Variants in RNASEH2B observed in about 807,000 individuals in gnomAD.
RNASEH2B encodes Aicardi-Goutieres syndrome 2 protein.
A neutral mutation model predicts 45.0 loss-of-function variants in RNASEH2B; 36 were observed. The observed-to-expected ratio is 0.80, with a 90% confidence interval of 0.61 to 1.06. The LOEUF (loss-of-function observed/expected upper bound fraction) is 1.06, where lower values mean the gene tolerates loss of function less well. Ranked by LOEUF, RNASEH2B falls within the 50% of genes least tolerant of loss-of-function variation. RNASEH2B has a pLI of 0.00. For synonymous variants in RNASEH2B, 119 were observed against 125.7 expected (o/e 0.95, Z 0.35); for missense variants, 361 against 360.3 (o/e 1.00, Z -0.02).
At chr13:50,918,301 C>T (rs999165960) in intron 1 of RNASEH2B, among the ~76,000 whole-genome samples, 3 of 152,112 alleles carry the variant, frequency 2.0e-5, no homozygotes, top group Non-Finnish European at 4.4e-5. Flanking sequence ...CCATGCCCAG[C>T]TAATTTTTTG....
chr13:50,913,781 A>G (rs1052841851), intron 1 of RNASEH2B, among the ~76,000 whole-genome samples: 4 of 152,222 alleles, frequency 2.6e-5, no homozygotes, highest in African/African-American at 9.6e-5. Context: ...TTTGGGAGAT[A>G]AGAATCCCTG....
chr13:50,960,928 A>G (rs1225458649), downstream of RNASEH2B, among the ~76,000 whole-genome samples: 2 of 152,118 alleles, frequency 1.3e-5, no homozygotes, highest in Non-Finnish European at 2.9e-5. Context: ...GTTTTCTTTA[A>G]TCTGCAAGAG....
At chr13:50,953,485 A>T in intron 9 of RNASEH2B, 1 of 211,854 alleles carries the variant, frequency 4.7e-6, no homozygotes, top group Non-Finnish European at 9.6e-6. Flanking sequence ...AGTGGACATT[A>T]AACTGGCCCA....
At chr13:50,961,084 C>T (rs1952107354), downstream of RNASEH2B, among the ~76,000 whole-genome samples, 1 of 152,150 alleles carries the variant, frequency 6.6e-6, no homozygotes, top group Non-Finnish European at 1.5e-5. Context: ...TTTCTCAGTA[C>T]ACCATGGCAG....
chr13:50,948,347 T>C, intron 8 of RNASEH2B: 1 of 334,656 alleles, frequency 3.0e-6, no homozygotes, highest in Non-Finnish European at 5.4e-6. Flanking sequence ...TCCTCAATTA[T>C]ACTTAACTAA....
At chr13:50,957,274 G>A (rs1232598034), downstream of RNASEH2B, among the ~76,000 whole-genome samples, 2 of 151,992 alleles carry the variant, frequency 1.3e-5, no homozygotes, top group Non-Finnish European at 2.9e-5. Flanking sequence ...GAAGTCCCCA[G>A]TGTCTATTAT....
intron 3 of RNASEH2B, 30 bp downstream of exon 3, chr13:50,929,612 A>C: frequency 3.8e-6 from 5 of 1,330,690 alleles, no homozygotes; most frequent in Non-Finnish European, 5.4e-6. Context: ...ATTTCCAATA[A>C]CTAAACACAT....
rs1951612016 is a variant in RNASEH2B, at chr13:50,927,355, G to A, written c.65-52G>A. 5.6e-6 allele frequency: 6 copies of A among 1,080,498 alleles called. No homozygotes were observed. The South Asian group carries it at 6.2e-5, about 11-fold the overall frequency. 66.9% of individuals were successfully genotyped at this position (1,080,498 alleles called of 1,614,324 possible). ...AGGAAAACAGGGTAAAGTAAGGTGA[G>A]CAACAAAACAGCTGTGTGTTTTAAT... On this transcript the variant is annotated intron_variant, in intron 1 of 10. Coordinates refer to ENST00000336617, the MANE Select transcript of RNASEH2B (RefSeq NM_024570.4).
intron 9 of RNASEH2B, chr13:50,969,828 C>A: frequency 8.5e-7 from 1 of 1,177,162 alleles, no homozygotes; most frequent in African/African-American, 1.5e-5. Context: ...GGACTAAACC[C>A]GCCAGCCCTG....
intron 5 of RNASEH2B, chr13:50,941,041 A>G (rs1394918326): frequency 6.6e-6 from 1 of 152,242 alleles, no homozygotes; most frequent in East Asian, 1.9e-4. Flanking sequence ...ATCATGGTTT[A>G]TTAATTGATT....
rs181457346 is a variant in RNASEH2B, at chr13:50,917,195, G to A, written c.64+7055G>A. ...GGTGGGAGAGGAGGAGGACAAAGTG[G>A]GCACTTGAGGCTAAAGAGTGCTTTT... On this transcript the variant is annotated intron_variant, in intron 1 of 10. Transcript: ENST00000336617. 1.2e-4 allele frequency among the ~76,000 whole-genome samples: 19 copies of A among 152,270 alleles called. No individual in the cohort carries two copies. In the East Asian group the frequency reaches 2.1e-3, roughly 17 times the overall value.
intron 1 of RNASEH2B, among the ~76,000 whole-genome samples, chr13:50,915,706 T>C (rs1879703673): frequency 6.6e-6 from 1 of 152,248 alleles, no homozygotes; most frequent in Admixed American, 6.5e-5. Flanking sequence ...CAGGCCTTTA[T>C]TCAGAGCTAC....
intron 5 of RNASEH2B, chr13:50,941,495 G>T (rs1238661403): frequency 6.6e-6 from 1 of 152,250 alleles, no homozygotes; most frequent in Non-Finnish European, 1.5e-5. Flanking sequence ...GAGAAAATTT[G>T]GAGGTAGAGG....
chr13:50,954,008 G>T, intron 10 of RNASEH2B, 23 bp downstream of exon 10: 1 of 1,460,186 alleles, frequency 6.8e-7, no homozygotes, highest in South Asian at 1.1e-5. Flanking sequence ...AGGTGTAGTG[G>T]TGTTTCGTTC....
At chr13:50,912,315 C>G (rs1462139998) in intron 1 of RNASEH2B, 1 of 152,306 alleles carries the variant, frequency 6.6e-6, no homozygotes, top group African/African-American at 2.4e-5. Flanking sequence ...GGCCTCAGTT[C>G]CCAGAGGTGC....
intron 1 of RNASEH2B, among the ~76,000 whole-genome samples, chr13:50,915,115 C>T (rs548234496): frequency 2.0e-5 from 3 of 152,314 alleles, no homozygotes; most frequent in East Asian, 1.9e-4. Flanking sequence ...CTTTCTTACA[C>T]CTCAAGCTTT....
intron 10 of RNASEH2B, 160 bp from the exon 11 acceptor site, chr13:50,956,198 G>A (rs909391030): frequency 6.5e-6 from 4 of 618,092 alleles, no homozygotes; most frequent in Non-Finnish European, 8.6e-6. Context: ...TCTGAATTCT[G>A]AATAGAAATC....
At chr13:50,956,795 T>C (rs1319130534), downstream of RNASEH2B, 2 of 1,003,844 alleles carry the variant, frequency 2.0e-6, no homozygotes, top group Non-Finnish European at 2.4e-6. Context: ...AATGCAACTT[T>C]GCATTCAGTA....
At chr13:50,953,668 G>A (rs897207159) in intron 9 of RNASEH2B, 2 of 571,788 alleles carry the variant, frequency 3.5e-6, no homozygotes, top group Non-Finnish European at 6.2e-6. Flanking sequence ...GCTCAGCCAT[G>A]TACTTACCCA....
Sources: allele counts gnomAD v4.1 joint callset (sites outside exome capture counted in the v4.1 genomes callset), GRCh38; gene constraint gnomAD v4.1.1; transcripts MANE v1.5; gene names NCBI Gene and HGNC (gene_info 2026-07-23, HGNC 2026-07-21).